Variants in MAPKAPK3 observed in about 807,000 individuals in gnomAD.
MAPKAPK3 encodes MAPK activated protein kinase 3.
A neutral mutation model predicts 49.2 loss-of-function variants in MAPKAPK3; 35 were observed. That is an observed-to-expected ratio of 0.71 (90% CI 0.54 to 0.94). The LOEUF (loss-of-function observed/expected upper bound fraction) is 0.94. Among genes scored for constraint, MAPKAPK3 ranks in the 40% least tolerant of loss-of-function variants. MAPKAPK3 has a pLI of 0.00. For missense variants in MAPKAPK3, 398 were observed against 493.1 expected, an observed-to-expected ratio of 0.81 and a Z score of 1.83; for synonymous variants, 178 against 188.7, an observed-to-expected ratio of 0.94 and a Z score of 0.46.
intron 10 of MAPKAPK3, 148 bp downstream of exon 10, chr3:50,647,351 A>G (rs557795801): frequency 1.5e-6 from 1 of 654,242 alleles, no homozygotes; most frequent in African/African-American, 1.8e-5. Flanking sequence ...TGGTCCAACC[A>G]TGGCACTCCA....
At chr3:50,645,585 G>A (rs1454889667) in intron 6 of MAPKAPK3, 125 bp from the exon 7 acceptor site, 5 of 673,946 alleles carry the variant, frequency 7.4e-6, no homozygotes, top group South Asian at 3.6e-5. Flanking sequence ...GGTGCCAGAC[G>A]CCAGTCTGCT....
chr3:50,637,719 G>C (rs1478614209), intron 2 of MAPKAPK3, among the ~76,000 whole-genome samples: 1 of 127,886 alleles, frequency 7.8e-6, no homozygotes, highest in Non-Finnish European at 1.8e-5. Flanking sequence ...GAGAGAGAGA[G>C]AGAGATGGAG....
At chr3:50,617,818 T>C (rs747735442) in intron 2 of MAPKAPK3, 34 bp downstream of exon 2, 5 of 1,553,104 alleles carry the variant, frequency 3.2e-6, no homozygotes, top group Non-Finnish European at 4.4e-6. Context: ...TGGGGTATCC[T>C]GGAGGGTCCA....
chr3:50,621,902 G>T (rs1381252504), intron 2 of MAPKAPK3, among the ~76,000 whole-genome samples: 3 of 152,226 alleles, frequency 2.0e-5, no homozygotes, highest in Non-Finnish European at 4.4e-5. Context: ...CATTTTGGAG[G>T]CTCTTCTAGG....
intron 2 of MAPKAPK3, among the ~76,000 whole-genome samples, chr3:50,622,868 C>T (rs1388321242): frequency 1.3e-5 from 2 of 152,194 alleles, no homozygotes; most frequent in African/African-American, 4.8e-5. Flanking sequence ...TCTGTATAAC[C>T]AGAATGCCAA....
At chr3:50,629,874 G>A (rs540040724) in intron 2 of MAPKAPK3, among the ~76,000 whole-genome samples, 2 of 152,220 alleles carry the variant, frequency 1.3e-5, no homozygotes, top group Non-Finnish European at 2.9e-5. Flanking sequence ...GAGGAATCTT[G>A]TCTTCCTAAG....
At chr3:50,620,280 G>A (rs2032578833) in intron 2 of MAPKAPK3, among the ~76,000 whole-genome samples, 1 of 152,110 alleles carries the variant, frequency 6.6e-6, no homozygotes, top group Admixed American at 6.5e-5. Context: ...AGCTTAGCCA[G>A]CTCATGATGG....
chr3:50,637,743 G>T (rs1576009844), intron 2 of MAPKAPK3, among the ~76,000 whole-genome samples: 1 of 152,068 alleles, frequency 6.6e-6, no homozygotes, highest in East Asian at 1.9e-4. Flanking sequence ...GAGAGAGAGA[G>T]AGATTGATCG....
At chr3:50,640,653 C>T (rs1576012139) in intron 3 of MAPKAPK3, 148 bp downstream of exon 3, 1 of 973,034 alleles carries the variant, frequency 1.0e-6, no homozygotes, top group Non-Finnish European at 1.5e-6. Context: ...CAGGCAGCCG[C>T]AGGCCCTGCC....
chr3:50,636,180 C>T (rs1017424062), intron 2 of MAPKAPK3, among the ~76,000 whole-genome samples: 5 of 152,172 alleles, frequency 3.3e-5, no homozygotes, highest in Non-Finnish European at 5.9e-5. Flanking sequence ...GTACTGGGAC[C>T]TAGAGGTGGC....
chr3:50,645,605 C>T (rs2033270976), intron 6 of MAPKAPK3, 105 bp from the exon 7 acceptor site: 1 of 827,768 alleles, frequency 1.2e-6, no homozygotes, highest in Non-Finnish European at 2.0e-6. Flanking sequence ...TCTGCCCTAC[C>T]TCCCAGCCCA....
chr3:50,622,422 A>T (rs1236140824), intron 2 of MAPKAPK3, among the ~76,000 whole-genome samples: 3 of 152,190 alleles, frequency 2.0e-5, no homozygotes, highest in Non-Finnish European at 2.9e-5. Flanking sequence ...CACCTCTTCC[A>T]GGAAGCTGCC....
At chr3:50,635,693 G>C (rs1415299622) in intron 2 of MAPKAPK3, among the ~76,000 whole-genome samples, 1 of 151,498 alleles carries the variant, frequency 6.6e-6, no homozygotes, top group African/African-American at 2.4e-5. Flanking sequence ...GGGATTACAG[G>C]CGTCAGCCAC....
chr3:50,617,714 T>C lies in MAPKAPK3; in HGVS notation c.149T>C (p.Leu50Pro). The C allele has an allele frequency of 6.2e-7, 1 of 1,613,666 alleles. No homozygotes were observed. The highest frequency in any genetic ancestry group is 2.2e-5 in the East Asian group (1 of 44,850). The change falls in exon 2 of 11, where the codon CTG becomes CCG. Residue 50 changes from leucine (L) to proline (P), a missense_variant. Coordinates refer to ENST00000621469, the MANE Select transcript of MAPKAPK3 (RefSeq NM_001243925.2). The stretch of plus-strand genomic sequence containing the variant: ...GACTACCAGTTGTCCAAGCAGGTGC[T>C]GGGCCTGGGTGTGAACGGCAAAGTG... ...TDDYQLSKQVLGLGVNGKVLE... is the reference protein window; with the variant it reads ...TDDYQLSKQVPGLGVNGKVLE...
intron 2 of MAPKAPK3, among the ~76,000 whole-genome samples, chr3:50,630,400 G>A (rs1304323998): frequency 1.3e-5 from 2 of 152,206 alleles, no homozygotes; most frequent in Non-Finnish European, 2.9e-5. Flanking sequence ...GTTGAATCCT[G>A]GTTCCCAAAG....
rs752509312 is a variant in MAPKAPK3 at position 50,640,522 on chromosome 3, T to C, written c.359+17T>C. 8.2e-6 allele frequency: 13 copies of C among 1,593,568 alleles called. No homozygotes were observed. The highest frequency in any genetic ancestry group is 1.0e-5 in the Non-Finnish European group (12 of 1,165,688). On this transcript the variant is annotated intron_variant, in intron 3 of 10. Transcript: ENST00000621469. ...CATGGAATGGTATGCTGGCCTGCCC[T>C]GTCTCCACACCCCCTCGGCATCCCT...
chr3:50,644,183 G>T (rs1455095239), intron 5 of MAPKAPK3, among the ~76,000 whole-genome samples: 3 of 152,210 alleles, frequency 2.0e-5, no homozygotes, highest in Non-Finnish European at 4.4e-5. Flanking sequence ...GTCATTCACA[G>T]CCTTGGCTGA....
intron 2 of MAPKAPK3, among the ~76,000 whole-genome samples, chr3:50,630,648 G>A (rs570723184): frequency 2.2e-4 from 34 of 152,376 alleles, no homozygotes; most frequent in Middle Eastern, 3.4e-3. Context: ...CCAAGCTCTC[G>A]GAAGGAGTGG....
chr3:50,645,406 T>C (rs12491713), intron 6 of MAPKAPK3, among the ~76,000 whole-genome samples: 151,823 of 152,312 alleles, frequency 1, 75,672 homozygotes, highest in Middle Eastern at 1. Context: ...TCACCTACGG[T>C]AGCTTCCCAC....
Sources: gnomAD v4.1 joint callset for allele counts (sites outside exome capture counted in the v4.1 genomes callset) on GRCh38, gnomAD v4.1.1 for gene constraint, MANE v1.5 for transcripts, NCBI Gene and HGNC (gene_info 2026-07-23, HGNC 2026-07-21) for gene names.